Variants in SLC8B1 observed in about 807,000 individuals in gnomAD.
SLC8B1 encodes solute carrier family 8 member B1, also known as mitochondrial sodium/calcium exchanger protein.
In SLC8B1, 52 loss-of-function variants were observed where a neutral mutation model predicts 63.4. The observed-to-expected ratio is 0.82, with a 90% CI of 0.66 to 1.03. The LOEUF (loss-of-function observed/expected upper bound fraction) is 1.03, where lower values mean the gene tolerates loss of function less well. Among genes scored for constraint, SLC8B1 ranks in the 50% least tolerant of loss-of-function variants. The pLI is 0.00. For missense variants in SLC8B1, 657 were observed against 741.7 expected (o/e 0.89, Z 1.33); for synonymous variants, 336 against 323.9 (o/e 1.04, Z -0.40).
In SLC8B1 at chr12:113,320,440, G is replaced by A; in HGVS notation, c.585C>T (p.Phe195=). 6.2e-7 allele frequency: 1 copy of A among 1,614,200 alleles called. No homozygotes were observed. Among genetic ancestry groups the A allele is most frequent in the Non-Finnish European group, 8.5e-7 (1 of 1,180,038 alleles). The change falls in exon 7 of 16, where the codon TTC becomes TTT. Residue 195 remains phenylalanine (F), a synonymous_variant. Transcript: ENST00000680972. This position sits in a 1 kb window ranked among gnomAD's most constrained non-coding sequence, Gnocchi z 5.3. The part of the protein sequence containing the change: ...VAGGITILHP[F]MAASRPFFRD... ...TGAAGAAGGGCCTGGAGGCAGCCAT[G>A]AAGGGGTGTAGGATGGTAATGCCTC...
At position 113,301,932 on chromosome 12, in the gene SLC8B1, A is replaced by C. The variant is rs111606885; in HGVS notation, c.1558-1958T>G. Among the ~76,000 whole-genome samples the C allele has an allele frequency of 4.7e-3, 717 of 152,324 alleles. 8 individuals are homozygous for C. Among genetic ancestry groups the C allele is most frequent in the African/African-American group, 0.016 (658 of 41,570 alleles). ...GATGGATGAATGATAAAGGAGTGGC[A>C]GCAGCAGAAATGAATGAGCGAGAGC... On this transcript the variant is annotated intron_variant, in intron 15 of 15. Coordinates refer to ENST00000680972, the MANE Select transcript of SLC8B1 (RefSeq NM_001358345.2).
chr12:113,313,936 G>A (rs1291388831), intron 11 of SLC8B1, among the ~76,000 whole-genome samples: 1 of 152,038 alleles, frequency 6.6e-6, no homozygotes, highest in Non-Finnish European at 1.5e-5. Flanking sequence ...CTTGAGCCCT[G>A]GAGGCAGAGG....
rs765703777 is a variant in SLC8B1, at chr12:113,310,214, G to A, written c.1257+20C>T. 1.5e-5 allele frequency: 24 copies of A among 1,610,150 alleles called. No individual in the cohort carries two copies. In the Middle Eastern group the frequency reaches 5.0e-4, roughly 34 times the overall value. On this transcript the variant is annotated intron_variant, in intron 12 of 15. Transcript: ENST00000680972. The stretch of plus-strand genomic sequence containing the variant: ...ATCAGCATCCCTCCCCCCCCATCTC[G>A]GAGAACCCGGGCTTCTTACCCAGTG...
chr12:113,310,152 G>A lies in SLC8B1; in HGVS notation c.1257+82C>T, dbSNP rs1956736484. 5.3e-6 allele frequency: 8 copies of A among 1,513,782 alleles called. No homozygotes were observed. In the Admixed American group the frequency reaches 6.6e-5, roughly 12 times the overall value. The allele number at this position is 1,513,782 out of a possible 1,614,324, so 93.8% of individuals were successfully genotyped here. A position where few individuals can be genotyped will look rare whatever the true frequency, so the allele number is the denominator to read the frequency against. ...GACTCCTGATCAAACTGGTCAAAGTGCCTCAGAGATGCAGACAGGACATCT... is the reference window on the plus strand; with the variant it reads ...GACTCCTGATCAAACTGGTCAAAGTACCTCAGAGATGCAGACAGGACATCT... On this transcript the variant is annotated intron_variant, in intron 12 of 15. Coordinates refer to ENST00000680972, the MANE Select transcript of SLC8B1 (RefSeq NM_001358345.2).
At chr12:113,300,393 G>A (rs1956567264) in intron 15 of SLC8B1, among the ~76,000 whole-genome samples, 2 of 152,222 alleles carry the variant, frequency 1.3e-5, no homozygotes, top group Non-Finnish European at 1.5e-5. Context: ...TGAGGCAGGA[G>A]AATCACTTGA....
intron 1 of SLC8B1, 61 bp from the exon 2 acceptor site, chr12:113,333,021 G>T: frequency 3.9e-6 from 4 of 1,024,262 alleles, no homozygotes; most frequent in Non-Finnish European, 5.5e-6. Flanking sequence ...CACAGCAAAA[G>T]GGGCTGGAAG....
At chr12:113,301,028 C>T (rs1045182066) in intron 15 of SLC8B1, among the ~76,000 whole-genome samples, 2 of 151,580 alleles carry the variant, frequency 1.3e-5, no homozygotes, top group Non-Finnish European at 2.9e-5. Context: ...CCCAGCTACT[C>T]GGGAGGCTGA....
rs999373833 is a variant in SLC8B1 at position 113,335,002 on chromosome 12, G to C, written c.-642C>G. The C allele has an allele frequency of 4.6e-4, 70 of 152,422 alleles. No homozygotes were observed. The highest frequency in any genetic ancestry group is 1.6e-3 in the African/African-American group (65 of 41,588). The allele number at this position is 152,422 out of a possible 1,614,324, so 9.4% of individuals were successfully genotyped here. A position where few individuals can be genotyped will look rare whatever the true frequency, so the allele number is the denominator to read the frequency against. On this transcript the variant is annotated 5_prime_UTR_variant, in exon 1 of 16. Transcript: ENST00000680972. Reference sequence around the variant, plus strand: ...GGCGGCTCTTTCTTACCTCGGGCCGGGCCTGGGACCAGCAAACTCCGAACC... The same window carrying C: ...GGCGGCTCTTTCTTACCTCGGGCCGCGCCTGGGACCAGCAAACTCCGAACC...
chr12:113,327,818 TA>T (rs1207853391), intron 2 of SLC8B1, among the ~76,000 whole-genome samples: 2 of 151,660 alleles, frequency 1.3e-5, no homozygotes. Flanking sequence ...CCATCTCTAC[TA>T]AAAATACAAA....
intron 12 of SLC8B1, among the ~76,000 whole-genome samples, chr12:113,309,627 G>T (rs1021552653): frequency 6.6e-6 from 1 of 152,162 alleles, no homozygotes; most frequent in Non-Finnish European, 1.5e-5. Flanking sequence ...GTGGTGGCTT[G>T]CGCCTGTAGT....
chr12:113,316,963 T>G lies in SLC8B1; in HGVS notation c.841A>C (p.Asn281His), dbSNP rs758196578. The G allele has an allele frequency of 2.2e-5, 35 of 1,613,534 alleles. No homozygotes were observed. The highest frequency in any genetic ancestry group is 2.8e-5 in the Non-Finnish European group (33 of 1,179,906). The change falls in exon 9 of 16, where the codon AAT (asparagine) becomes CAT (histidine). Residue 281 changes from asparagine (N) to histidine (H), a missense_variant. Transcript: ENST00000680972. ...SDSEEDRVSS[N>H]TNSYDYGDEY... ...TCACCGTAGTCATAGCTGTTGGTAT[T>G]AGAAGATACCCGGTCCTCCTCGGAG...
chr12:113,317,787 G>A (rs1290614699), intron 8 of SLC8B1, among the ~76,000 whole-genome samples: 3 of 151,978 alleles, frequency 2.0e-5, no homozygotes, highest in Non-Finnish European at 2.9e-5. Flanking sequence ...TGTGTGTTGT[G>A]TATGTGAGTG....
chr12:113,306,566 G>A lies in SLC8B1; in HGVS notation c.1421C>T (p.Ser474Leu), dbSNP rs141329750. The change falls in exon 14 of 16, where the codon TCG (serine) becomes TTG (leucine). Residue 474 changes from serine (S) to leucine (L), a missense_variant. Ser to Leu is a moderately radical substitution (Grantham distance 145). Transcript: ENST00000680972. The part of the protein sequence containing the change: ...AWGNSIGDAF[S>L]DFTLARQGYP... ...GCCCTGGCGAGCCAGTGTGAAATCCGAGAAGGCATCTGCACAGGAACAAGA... is the reference window on the plus strand; with the variant it reads ...GCCCTGGCGAGCCAGTGTGAAATCCAAGAAGGCATCTGCACAGGAACAAGA... 2.0e-4 allele frequency: 330 copies of A among 1,613,846 alleles called. 1 individual carries two copies. The highest frequency in any genetic ancestry group is 2.6e-4 in the Non-Finnish European group (302 of 1,179,978).
chr12:113,331,000 C>A (rs1957046890), intron 2 of SLC8B1, among the ~76,000 whole-genome samples: 1 of 152,128 alleles, frequency 6.6e-6, no homozygotes, highest in East Asian at 1.9e-4. Context: ...ACAGGCTGTG[C>A]CCTCCCTGCC....
intron 2 of SLC8B1, among the ~76,000 whole-genome samples, chr12:113,330,115 T>C (rs1182493937): frequency 6.6e-6 from 1 of 152,182 alleles, no homozygotes; most frequent in Non-Finnish European, 1.5e-5. Flanking sequence ...TGTGGAATGA[T>C]TTGTCAACTT....
At chr12:113,317,135 T>C (rs1181861067) in intron 8 of SLC8B1, 134 bp from the exon 9 acceptor site, 1 of 789,098 alleles carries the variant, frequency 1.3e-6, no homozygotes, top group Non-Finnish European at 2.1e-6. Flanking sequence ...GATCTTTCTC[T>C]GTCACCCAGG....
intron 1 of SLC8B1, among the ~76,000 whole-genome samples, chr12:113,333,491 T>A (rs1957086040): frequency 1.3e-5 from 2 of 152,222 alleles, no homozygotes; most frequent in African/African-American, 4.8e-5. Context: ...TTTACATGGA[T>A]GACCTCATTC....
intron 12 of SLC8B1, among the ~76,000 whole-genome samples, chr12:113,309,564 G>C (rs1956726881): frequency 6.6e-6 from 1 of 152,088 alleles, no homozygotes; most frequent in Admixed American, 6.6e-5. Context: ...GAGTAGTCTG[G>C]GCAACATAGT....
chr12:113,315,220 A>C, intron 11 of SLC8B1, 115 bp downstream of exon 11: 1 of 1,101,462 alleles, frequency 9.1e-7, no homozygotes, highest in Non-Finnish European at 1.2e-6. Flanking sequence ...CGAGAGGTGG[A>C]GGGAGGTTGC....
Sources: gnomAD v4.1 joint callset for allele counts (sites outside exome capture counted in the v4.1 genomes callset) on GRCh38, gnomAD v4.1.1 for gene constraint, Gnocchi (gnomAD v3.1) non-coding constraint, MANE v1.5 for transcripts, NCBI Gene and HGNC (gene_info 2026-07-23, HGNC 2026-07-21) for gene names.